RBFOX1: variants seen among roughly 807,000 people sequenced by gnomAD.
RBFOX1 encodes RNA binding fox-1 homolog 1.
In RBFOX1, 8 loss-of-function variants were observed where a neutral mutation model predicts 57.7. The observed-to-expected ratio is 0.14, with a 90% CI of 0.08 to 0.25. The LOEUF is 0.25. RBFOX1 is among the 10% of genes least tolerant of loss of function. The pLI is 1.00. For synonymous variants in RBFOX1, 326 were observed against 222.4 expected (o/e 1.47, Z -4.15); for missense variants, 611 against 548.5 (o/e 1.11, Z -1.14).
At chr16:6,281,542 G>C (rs990798568) in intron 1 of RBFOX1, among the ~76,000 whole-genome samples, 1 of 152,116 alleles carries the variant, frequency 6.6e-6, no homozygotes, top group African/African-American at 2.4e-5. Flanking sequence ...TCATTGCAGG[G>C]GAGAGGAAGA....
At chr16:6,612,863 A>AAAGTAAT (rs59339311) in intron 2 of RBFOX1, among the ~76,000 whole-genome samples, 2 of 132,242 alleles carry the variant, frequency 1.5e-5, no homozygotes, top group Non-Finnish European at 3.1e-5. Flanking sequence ...AAAAAAAAAA[A>AAAGTAAT]AATAATAATA....
At chr16:5,492,133 G>A (rs28559575) in intron 2 of RBFOX1, among the ~76,000 whole-genome samples, 2,635 of 152,258 alleles carry the variant, frequency 0.017, 74 homozygotes, top group African/African-American at 0.06. Context: ...GGGAATCTGT[G>A]TTTCAGCAAG....
At chr16:6,177,917 G>A (rs1174729987) in intron 1 of RBFOX1, among the ~76,000 whole-genome samples, 7 of 102,142 alleles carry the variant, frequency 6.9e-5, no homozygotes, top group Non-Finnish European at 1.1e-4. Flanking sequence ...CATTTTCAGT[G>A]GGGGTAAAAA....
intron 3 of RBFOX1, among the ~76,000 whole-genome samples, chr16:6,656,000 C>G (rs1005573427): frequency 3.9e-5 from 6 of 152,208 alleles, no homozygotes; most frequent in African/African-American, 1.4e-4. Context: ...TCAATTCAAT[C>G]TGCGTGATCC....
intron 2 of RBFOX1, among the ~76,000 whole-genome samples, chr16:6,401,568 T>G (rs981808842): frequency 1.3e-5 from 2 of 152,168 alleles, no homozygotes; most frequent in African/African-American, 4.8e-5. Flanking sequence ...TTTAGCCGTA[T>G]GCTTATAATG....
At chr16:5,720,381 AT>A (rs1261196691) in intron 3 of RBFOX1, among the ~76,000 whole-genome samples, 3 of 152,216 alleles carry the variant, frequency 2.0e-5, no homozygotes, top group Non-Finnish European at 4.4e-5. Flanking sequence ...TGTGTTTGCC[AT>A]TGCTATTATT....
At chr16:5,398,878 A>G (rs904082407) in intron 1 of RBFOX1, among the ~76,000 whole-genome samples, 1 of 152,232 alleles carries the variant, frequency 6.6e-6, no homozygotes, top group African/African-American at 2.4e-5. Flanking sequence ...CGCAGCATCC[A>G]GGGACCCTAT....
intron 2 of RBFOX1, among the ~76,000 whole-genome samples, chr16:6,361,104 C>A (rs1287990316): frequency 1.3e-5 from 2 of 152,128 alleles, no homozygotes; most frequent in Non-Finnish European, 2.9e-5. Flanking sequence ...TTGCCACTTT[C>A]TCATACATTA....
chr16:6,846,835 A>G (rs886386378), intron 3 of RBFOX1, among the ~76,000 whole-genome samples: 1 of 151,890 alleles, frequency 6.6e-6, no homozygotes, highest in Admixed American at 6.6e-5. Context: ...AGCCTACAGG[A>G]TCTTGGATGG....
chr16:7,216,441 G>T (rs2092060385), intron 4 of RBFOX1, among the ~76,000 whole-genome samples: 1 of 152,146 alleles, frequency 6.6e-6, no homozygotes. Context: ...GATTGCTTGA[G>T]ACCGAAAGTT....
At chr16:6,118,492 G>T (rs1424459930) in intron 1 of RBFOX1, among the ~76,000 whole-genome samples, 6 of 152,136 alleles carry the variant, frequency 3.9e-5, no homozygotes, top group African/African-American at 1.4e-4. Context: ...TAAGGGTCAA[G>T]GTAGCTGTCT....
chr16:6,636,045 T>C (rs1285946997), intron 2 of RBFOX1, among the ~76,000 whole-genome samples: 1 of 152,218 alleles, frequency 6.6e-6, no homozygotes, highest in Non-Finnish European at 1.5e-5. Flanking sequence ...AATTTATGCT[T>C]GAAACAGTTT....
Position 6,089,653 on chromosome 16 carries a change from C to T in RBFOX1, c.-127+69661C>T, listed in dbSNP as rs141105067. On this transcript the variant is annotated intron_variant, in intron 1 of 15. Coordinates refer to ENST00000550418, the MANE Select transcript of RBFOX1 (RefSeq NM_018723.4). ...CAGCTAATGATTTAGTTGGTGGTTA[C>T]CTGAGTACGGGGTCAGGTGTATGTT... Among the ~76,000 whole-genome samples the T allele has an allele frequency of 4.9e-4, 75 of 152,222 alleles. 1 individual carries two copies. The East Asian group carries it at 9.7e-3, about 20-fold the overall frequency.
chr16:5,501,820 T>C (rs12930091), intron 2 of RBFOX1, among the ~76,000 whole-genome samples: 48,536 of 152,010 alleles, frequency 0.32, 13,328 homozygotes, highest in African/African-American at 0.75. Context: ...CTCAAGTGAT[T>C]CTCCTGCCTC....
intron 4 of RBFOX1, among the ~76,000 whole-genome samples, chr16:5,987,703 G>A (rs933553631): frequency 1.7e-4 from 26 of 152,106 alleles, no homozygotes; most frequent in African/African-American, 6.0e-4. Context: ...AACATAGCAA[G>A]GCCCCATCTC....
rs528697412 is a variant in RBFOX1, at chr16:6,717,712, G to T, written c.-16+63062G>T. Reference sequence around the variant, plus strand: ...ACCAGTTGAAAGTGCCAGTCACATTGTTTGGTTATTGATAATGCTGCTGTA... The same window carrying T: ...ACCAGTTGAAAGTGCCAGTCACATTTTTTGGTTATTGATAATGCTGCTGTA... On this transcript the variant is annotated intron_variant, in intron 3 of 15. Transcript: ENST00000550418. Among the ~76,000 whole-genome samples, 3 of 152,104 alleles carry T rather than the reference G, an allele frequency of 2.0e-5. No individual in the cohort carries two copies. In the East Asian group the frequency reaches 5.8e-4, roughly 30 times the overall value.
intron 3 of RBFOX1, among the ~76,000 whole-genome samples, chr16:6,789,810 A>C (rs1290765922): frequency 6.6e-6 from 1 of 151,686 alleles, no homozygotes; most frequent in African/African-American, 2.4e-5. Flanking sequence ...GTAATTTCTC[A>C]TTTTCTGTCT....
At chr16:6,940,769 TG>T (rs2078253562) in intron 3 of RBFOX1, among the ~76,000 whole-genome samples, 2 of 61,214 alleles carry the variant, frequency 3.3e-5, no homozygotes, top group East Asian at 1.4e-3. Flanking sequence ...CGCTAGTGTG[TG>T]TGTGTGTGTG....
At chr16:5,829,060 C>G (rs1021599531) in intron 3 of RBFOX1, among the ~76,000 whole-genome samples, 1 of 152,136 alleles carries the variant, frequency 6.6e-6, no homozygotes, top group Non-Finnish European at 1.5e-5. Context: ...AGCCCTTTCC[C>G]TGTGCTGCAT....
Sources: gnomAD v4.1 joint callset for allele counts (sites outside exome capture counted in the v4.1 genomes callset) on GRCh38, gnomAD v4.1.1 for gene constraint, MANE v1.5 for transcripts, NCBI Gene and HGNC (gene_info 2026-07-23, HGNC 2026-07-21) for gene names.